KIFAP3: variants seen among roughly 807,000 people sequenced by gnomAD.
KIFAP3 encodes kinesin-associated protein 3.
A neutral mutation model predicts 106.5 loss-of-function variants in KIFAP3; 68 were observed. The ratio of observed to expected loss-of-function variants is 0.64; its 90% CI spans 0.53 to 0.78. The LOEUF is 0.78. KIFAP3 is among the 30% of genes least tolerant of loss of function. The pLI is 0.00. For synonymous variants in KIFAP3, 320 were observed against 311.5 expected, an observed-to-expected ratio of 1.03 and a Z score of -0.29; for missense variants, 780 against 941.8, an observed-to-expected ratio of 0.83 and a Z score of 2.25.
At chr1:169,945,396 G>C (rs1053800043) in intron 19 of KIFAP3, among the ~76,000 whole-genome samples, 4 of 152,068 alleles carry the variant, frequency 2.6e-5, no homozygotes, top group Admixed American at 6.5e-5. Flanking sequence ...CAGGAGTGTG[G>C]GGCTCCTGGC....
intron 8 of KIFAP3, among the ~76,000 whole-genome samples, chr1:170,028,320 A>C (rs755492262): frequency 1.8e-4 from 27 of 151,688 alleles, no homozygotes; most frequent in Middle Eastern, 3.2e-3. Context: ...AATGTGTTAT[A>C]CAGTTTTTTG....
At chr1:169,960,980 G>A in intron 18 of KIFAP3, 66 bp downstream of exon 18, 1 of 1,285,934 alleles carries the variant, frequency 7.8e-7, no homozygotes, top group South Asian at 1.5e-5. Context: ...GAATGTGCAA[G>A]GCTGGCCGAC....
intron 19 of KIFAP3, among the ~76,000 whole-genome samples, chr1:169,942,076 G>A (rs1322647381): frequency 6.6e-6 from 1 of 152,132 alleles, no homozygotes; most frequent in Non-Finnish European, 1.5e-5. Context: ...CTCTTATAAA[G>A]TGAAACTTCA....
chr1:169,973,365 T>C (rs1210637425), intron 16 of KIFAP3, among the ~76,000 whole-genome samples: 2 of 147,574 alleles, frequency 1.4e-5, no homozygotes, highest in African/African-American at 5.0e-5. Flanking sequence ...TCCAACACAA[T>C]AGAAATCCCA....
At chr1:169,943,101 A>G (rs1279078893) in intron 19 of KIFAP3, among the ~76,000 whole-genome samples, 1 of 152,102 alleles carries the variant, frequency 6.6e-6, no homozygotes, top group African/African-American at 2.4e-5. Flanking sequence ...ATTCATCTAC[A>G]ATCTGTATAA....
At chr1:170,066,563 A>C (rs1054562736) in intron 1 of KIFAP3, among the ~76,000 whole-genome samples, 19 of 152,162 alleles carry the variant, frequency 1.2e-4, no homozygotes, top group African/African-American at 4.6e-4. Context: ...AGAAAAAGAA[A>C]ATGAAGAGAG....
intron 17 of KIFAP3, among the ~76,000 whole-genome samples, chr1:169,970,949 G>C (rs1027995234): frequency 6.6e-6 from 1 of 152,038 alleles, no homozygotes; most frequent in African/African-American, 2.4e-5. Flanking sequence ...GAAGAGAAAA[G>C]AGACACAGGG....
At chr1:169,999,458 A>G (rs1362454540) in intron 10 of KIFAP3, among the ~76,000 whole-genome samples, 1 of 152,204 alleles carries the variant, frequency 6.6e-6, no homozygotes, top group African/African-American at 2.4e-5. Flanking sequence ...ACAGCACCAA[A>G]GACTGTGAAT....
chr1:169,966,629 T>C (rs1373232357), intron 17 of KIFAP3, among the ~76,000 whole-genome samples: 1 of 151,766 alleles, frequency 6.6e-6, no homozygotes, highest in African/African-American at 2.4e-5. Flanking sequence ...ACAGGAAAAA[T>C]GCCTATAAAA....
At chr1:170,041,844 T>C (rs763220581) in intron 3 of KIFAP3, 14 of 1,425,966 alleles carry the variant, frequency 9.8e-6, no homozygotes, top group South Asian at 1.5e-5. Flanking sequence ...TCCCAATCTG[T>C]AAAAAGGGCC....
intron 17 of KIFAP3, 95 bp from the exon 18 acceptor site, chr1:169,961,330 T>G: frequency 4.7e-6 from 4 of 850,572 alleles, no homozygotes; most frequent in Admixed American, 2.0e-5. Flanking sequence ...TTGGGGGCCC[T>G]TCACTGGGTC....
At chr1:170,044,714 CT>C (rs1670154623) in intron 3 of KIFAP3, among the ~76,000 whole-genome samples, 1 of 152,094 alleles carries the variant, frequency 6.6e-6, no homozygotes, top group Admixed American at 6.5e-5. Context: ...CAGGGAGCCT[CT>C]TTTTCCCCAG....
chr1:169,978,843 A>G lies in KIFAP3; in HGVS notation c.1799-660T>C, dbSNP rs183759465. ...CAGAGTTTCAGGTCAACAGAGTATCAAACCAGTTGTGTAGAATAAATTGTG... is the reference window on the plus strand; with the variant it reads ...CAGAGTTTCAGGTCAACAGAGTATCGAACCAGTTGTGTAGAATAAATTGTG... On this transcript the variant is annotated intron_variant, in intron 15 of 19. Coordinates refer to ENST00000361580, the MANE Select transcript of KIFAP3 (RefSeq NM_014970.4). Among the ~76,000 whole-genome samples, 108 of 152,222 alleles carry G rather than the reference A, an allele frequency of 7.1e-4. 2 individuals are homozygous for G. Among genetic ancestry groups the G allele is most frequent in the Admixed American group, 6.4e-3 (98 of 15,274 alleles).
chr1:169,986,878 T>C (rs1666854874), intron 11 of KIFAP3, among the ~76,000 whole-genome samples: 1 of 152,050 alleles, frequency 6.6e-6, no homozygotes, highest in Non-Finnish European at 1.5e-5. Flanking sequence ...AGAAGGTAAA[T>C]TTTCTCTAAA....
intron 11 of KIFAP3, among the ~76,000 whole-genome samples, chr1:169,985,249 G>A (rs181217074): frequency 6.6e-6 from 1 of 151,978 alleles, no homozygotes; most frequent in African/African-American, 2.4e-5. Flanking sequence ...GTCTCAAAAA[G>A]ATTTACCCAG....
chr1:169,982,108 C>A lies in KIFAP3; in HGVS notation c.1673-11G>T. ...CATCTTCTGCAGCACCTAGTGAAGT[C>A]AAACCATAGAAAGTTTTCACTGAAA... On this transcript the variant is annotated splice_polypyrimidine_tract_variant and intron_variant, in intron 14 of 19. Coordinates refer to ENST00000361580, the MANE Select transcript of KIFAP3 (RefSeq NM_014970.4). The A allele has an allele frequency of 6.2e-7, 1 of 1,610,244 alleles. No homozygotes were observed. The highest frequency in any genetic ancestry group is 1.1e-5 in the South Asian group (1 of 90,066).
chr1:169,969,233 T>C (rs1044444756), intron 17 of KIFAP3, among the ~76,000 whole-genome samples: 2 of 151,980 alleles, frequency 1.3e-5, no homozygotes, highest in African/African-American at 2.4e-5. Flanking sequence ...TCTTGAAAGC[T>C]TGAGTTCTAA....
chr1:169,975,744 A>G (rs1666192651), intron 16 of KIFAP3, among the ~76,000 whole-genome samples: 1 of 152,132 alleles, frequency 6.6e-6, no homozygotes, highest in Non-Finnish European at 1.5e-5. Context: ...CCTCCCAGGT[A>G]GCTGAGACTA....
intron 1 of KIFAP3, among the ~76,000 whole-genome samples, chr1:170,084,825 T>G (rs997393899): frequency 2.6e-5 from 4 of 152,220 alleles, no homozygotes; most frequent in African/African-American, 9.6e-5. Flanking sequence ...GAATATTTCC[T>G]GCAGGCATGA....
Sources: gnomAD v4.1 joint callset for allele counts (sites outside exome capture counted in the v4.1 genomes callset) on GRCh38, gnomAD v4.1.1 for gene constraint, MANE v1.5 for transcripts, NCBI Gene and HGNC (gene_info 2026-07-23, HGNC 2026-07-21) for gene names.